The following CRIM1 variants were observed in gnomAD, a reference collection of about 807,000 sequenced individuals.
The protein encoded by CRIM1 is cysteine-rich motor neuron 1 protein.
CRIM1 carries 32 observed loss-of-function variants against 116.4 expected under a neutral mutation model. The ratio of observed to expected loss-of-function variants is 0.27; its 90% CI spans 0.21 to 0.37. The LOEUF (loss-of-function observed/expected upper bound fraction) is 0.37. Among genes scored for constraint, CRIM1 ranks in the 10% least tolerant of loss-of-function variants. The pLI is 1.00. For synonymous variants in CRIM1, 590 were observed against 509.2 expected, an observed-to-expected ratio of 1.16 and a Z score of -2.13; for missense variants, 1,331 against 1,354.8, an observed-to-expected ratio of 0.98 and a Z score of 0.28.
chr2:36,456,786 C>G (rs147897432), intron 4 of CRIM1, among the ~76,000 whole-genome samples: 24 of 152,216 alleles, frequency 1.6e-4, no homozygotes, highest in Non-Finnish European at 2.6e-4. Context: ...TCCACCCCCC[C>G]ACCACCCACC....
At chr2:36,379,107 G>T (rs1193125823) in intron 1 of CRIM1, 1 of 152,106 alleles carries the variant, frequency 6.6e-6, no homozygotes, top group Non-Finnish European at 1.5e-5. Flanking sequence ...GTTGTCCATT[G>T]TACAAATTTT....
At chr2:36,446,144 A>G (rs1045457142) in intron 4 of CRIM1, among the ~76,000 whole-genome samples, 6 of 152,200 alleles carry the variant, frequency 3.9e-5, no homozygotes, top group Non-Finnish European at 8.8e-5. Context: ...AATTTATTGC[A>G]CTTTCATGGG....
chr2:36,445,840 C>G (rs1024209286), intron 4 of CRIM1, among the ~76,000 whole-genome samples: 1 of 151,772 alleles, frequency 6.6e-6, no homozygotes, highest in East Asian at 1.9e-4. Context: ...AGAAAAACTA[C>G]GTAACTTTAT....
At chr2:36,365,606 G>T (rs1669536289) in intron 1 of CRIM1, among the ~76,000 whole-genome samples, 1 of 152,204 alleles carries the variant, frequency 6.6e-6, no homozygotes, top group South Asian at 2.1e-4. Context: ...ACTGTCTCTA[G>T]GGAGTCTTTG....
chr2:36,510,590 G>A (rs1172850783), intron 9 of CRIM1, among the ~76,000 whole-genome samples: 1 of 152,126 alleles, frequency 6.6e-6, no homozygotes, highest in African/African-American at 2.4e-5. Context: ...CCATGCCTAG[G>A]TGTCTCACCT....
intron 2 of CRIM1, among the ~76,000 whole-genome samples, chr2:36,416,673 C>T (rs1401932461): frequency 2.0e-5 from 3 of 152,088 alleles, no homozygotes; most frequent in Non-Finnish European, 4.4e-5. Flanking sequence ...AGTGTTTTTG[C>T]TGCCAGTTTT....
intron 13 of CRIM1, chr2:36,532,152 G>A (rs1302826527): frequency 5.6e-6 from 2 of 356,972 alleles, no homozygotes; most frequent in African/African-American, 4.3e-5. Flanking sequence ...TTCTTTGCAC[G>A]TTTCAAAATT....
chr2:36,415,256 C>G (rs147052100), intron 2 of CRIM1, among the ~76,000 whole-genome samples: 1 of 152,116 alleles, frequency 6.6e-6, no homozygotes, highest in Admixed American at 6.5e-5. Flanking sequence ...TCAAAATTAC[C>G]TGCTTGAGAA....
intron 2 of CRIM1, among the ~76,000 whole-genome samples, chr2:36,420,497 C>T (rs1285478835): frequency 2.6e-5 from 4 of 152,154 alleles, no homozygotes; most frequent in Non-Finnish European, 5.9e-5. Flanking sequence ...TTAATGATCA[C>T]CAGCGTTGTC....
intron 5 of CRIM1, among the ~76,000 whole-genome samples, chr2:36,472,794 A>G (rs561605467): frequency 4.6e-5 from 7 of 152,232 alleles, no homozygotes; most frequent in Non-Finnish European, 8.8e-5. Context: ...AATTTAATGT[A>G]TAAAAGTACT....
At chr2:36,409,237 C>G (rs933533367) in intron 2 of CRIM1, among the ~76,000 whole-genome samples, 2 of 152,194 alleles carry the variant, frequency 1.3e-5, no homozygotes, top group African/African-American at 4.8e-5. Context: ...CCTCCCTATT[C>G]TTTTAGTTTT....
chr2:36,456,728 G>A (rs1178452535), intron 4 of CRIM1, among the ~76,000 whole-genome samples: 1 of 152,108 alleles, frequency 6.6e-6, no homozygotes, highest in Non-Finnish European at 1.5e-5. Flanking sequence ...TTTCAACAGG[G>A]GCACGGGCCC....
chr2:36,499,899 C>T (rs1362163176), intron 8 of CRIM1, among the ~76,000 whole-genome samples: 1 of 152,188 alleles, frequency 6.6e-6, no homozygotes, highest in Non-Finnish European at 1.5e-5. Context: ...TCCCCTAATT[C>T]TTCTGCCGGA....
At chr2:36,425,720 T>A (rs1192165327) in intron 2 of CRIM1, among the ~76,000 whole-genome samples, 1 of 152,196 alleles carries the variant, frequency 6.6e-6, no homozygotes, top group Non-Finnish European at 1.5e-5. Flanking sequence ...AGGTGGTGCC[T>A]TCTGATGCAT....
At chr2:36,376,051 C>A (rs564911235) in intron 1 of CRIM1, among the ~76,000 whole-genome samples, 3 of 151,974 alleles carry the variant, frequency 2.0e-5, no homozygotes, top group Non-Finnish European at 4.4e-5. Context: ...AAGCTGACAC[C>A]CATTAGAAAA....
At chr2:36,450,263 A>G (rs1443523758) in intron 4 of CRIM1, among the ~76,000 whole-genome samples, 1 of 152,150 alleles carries the variant, frequency 6.6e-6, no homozygotes, top group African/African-American at 2.4e-5. Context: ...GTGAAACTGC[A>G]TCAGCCCATA....
chr2:36,433,308 A>G (rs1047294442), intron 2 of CRIM1, among the ~76,000 whole-genome samples: 10 of 152,220 alleles, frequency 6.6e-5, no homozygotes, highest in African/African-American at 2.4e-4. Flanking sequence ...CTAAAGCATC[A>G]TTATGAATGC....
intron 1 of CRIM1, among the ~76,000 whole-genome samples, chr2:36,362,687 G>C (rs939874010): frequency 2.6e-5 from 4 of 152,146 alleles, no homozygotes; most frequent in African/African-American, 9.7e-5. Context: ...ACAGAGGAAT[G>C]GTTGAATATA....
At chr2:36,416,495 C>T (rs1673633149) in intron 2 of CRIM1, among the ~76,000 whole-genome samples, 1 of 152,146 alleles carries the variant, frequency 6.6e-6, no homozygotes, top group Non-Finnish European at 1.5e-5. Context: ...AAGTATAAAA[C>T]ACATTCAGAA....
Sources: gnomAD v4.1 joint callset for allele counts (sites outside exome capture counted in the v4.1 genomes callset) on GRCh38, gnomAD v4.1.1 for gene constraint, MANE v1.5 for transcripts, NCBI Gene and HGNC (gene_info 2026-07-23, HGNC 2026-07-21) for gene names.